RB1CC1: variants seen among roughly 807,000 people sequenced by gnomAD.
RB1CC1 encodes RB1 inducible coiled-coil 1.
Under a neutral mutation model 177.5 loss-of-function variants are expected in RB1CC1, and 46 were observed. That is an observed-to-expected ratio of 0.26 (90% CI 0.20 to 0.33). The LOEUF (loss-of-function observed/expected upper bound fraction) is 0.33. RB1CC1 is among the 10% of genes least tolerant of loss of function. The pLI is 1.00. For missense variants in RB1CC1, 1,703 were observed against 1,816.3 expected (o/e 0.94, Z 1.13); for synonymous variants, 666 against 613.6 (o/e 1.09, Z -1.26).
intron 20 of RB1CC1, 64 bp from the exon 21 acceptor site, chr8:52,630,592 A>G: frequency 1.3e-6 from 2 of 1,492,672 alleles, no homozygotes; most frequent in Non-Finnish European, 1.8e-6. Context: ...TCTTACTGCA[A>G]AAATTTCACC....
chr8:52,677,591 C>T (rs1015898642), intron 5 of RB1CC1, among the ~76,000 whole-genome samples: 3 of 151,970 alleles, frequency 2.0e-5, no homozygotes, highest in Non-Finnish European at 2.9e-5. Context: ...TAAGGTGGAA[C>T]GGGAAGGCAC....
intron 1 of RB1CC1, among the ~76,000 whole-genome samples, chr8:52,711,367 C>T (rs867206082): frequency 6.6e-6 from 1 of 152,160 alleles, no homozygotes; most frequent in Non-Finnish European, 1.5e-5. Flanking sequence ...TAATCAGAGA[C>T]AAGTAATCTT....
At chr8:52,690,229 T>C (rs1854700855) in intron 1 of RB1CC1, among the ~76,000 whole-genome samples, 3 of 152,250 alleles carry the variant, frequency 2.0e-5, no homozygotes, top group Admixed American at 2.0e-4. Context: ...TACAGCTTTA[T>C]CTTACAGGAG....
At chr8:52,651,723 G>C (rs983495348) in intron 15 of RB1CC1, among the ~76,000 whole-genome samples, 1 of 152,174 alleles carries the variant, frequency 6.6e-6, no homozygotes, top group African/African-American at 2.4e-5. Flanking sequence ...GGAGGAAAAA[G>C]GGGAGGCTGT....
At chr8:52,673,785 T>C (rs960512893) in intron 7 of RB1CC1, 60 bp downstream of exon 7, 9 of 1,410,912 alleles carry the variant, frequency 6.4e-6, no homozygotes, top group Middle Eastern at 2.3e-4. Context: ...ATAAAATATT[T>C]AGGATAAATA....
chr8:52,660,777 T>C (rs1437396525), intron 11 of RB1CC1, 120 bp from the exon 12 acceptor site: 50 of 1,113,212 alleles, frequency 4.5e-5, no homozygotes, highest in South Asian at 6.2e-5. Context: ...AATTTAACAA[T>C]GGATTCAATT....
chr8:52,703,549 G>A (rs1856285804), intron 1 of RB1CC1, among the ~76,000 whole-genome samples: 2 of 152,142 alleles, frequency 1.3e-5, no homozygotes, highest in African/African-American at 4.8e-5. Context: ...TCATTCCACA[G>A]CTTCCATTAT....
chr8:52,682,827 T>A lies in RB1CC1; in HGVS notation c.369+722A>T, dbSNP rs139352163. ...GTTTATTAAATATGTTTCACACAGA[T>A]GAGGTTATTTCCTTTTAATGTTGTA... On this transcript the variant is annotated intron_variant, in intron 5 of 23. Coordinates refer to ENST00000025008, the MANE Select transcript of RB1CC1 (RefSeq NM_014781.5). Among the ~76,000 whole-genome samples, 31 of 152,282 alleles carry A rather than the reference T, an allele frequency of 2.0e-4. No individual in the cohort carries two copies. The East Asian group carries it at 5.4e-3, about 27-fold the overall frequency.
intron 22 of RB1CC1, among the ~76,000 whole-genome samples, chr8:52,626,915 G>A: frequency 6.6e-6 from 1 of 152,100 alleles, no homozygotes; most frequent in East Asian, 1.9e-4. Context: ...CATAGTGGTG[G>A]TGCAAATCTA....
At chr8:52,629,574 A>T (rs190258558) in intron 21 of RB1CC1, among the ~76,000 whole-genome samples, 1 of 152,180 alleles carries the variant, frequency 6.6e-6, no homozygotes, top group Admixed American at 6.6e-5. Context: ...TTGCCTCATC[A>T]TGTCCTCTTC....
At chr8:52,710,599 A>G (rs1224756617) in intron 1 of RB1CC1, among the ~76,000 whole-genome samples, 1 of 152,202 alleles carries the variant, frequency 6.6e-6, no homozygotes, top group Non-Finnish European at 1.5e-5. Flanking sequence ...AATGCATTAC[A>G]CATTTTGGTG....
At chr8:52,631,353 C>T (rs141671438) in intron 20 of RB1CC1, among the ~76,000 whole-genome samples, 1 of 152,270 alleles carries the variant, frequency 6.6e-6, no homozygotes, top group Non-Finnish European at 1.5e-5. Context: ...CCTATGGTCC[C>T]AGCTACTCGG....
At chr8:52,676,093 T>G (rs1317451918) in intron 6 of RB1CC1, among the ~76,000 whole-genome samples, 1 of 152,144 alleles carries the variant, frequency 6.6e-6, no homozygotes, top group East Asian at 1.9e-4. Context: ...GCAAAGATTC[T>G]TGGTTTTATA....
rs1423922907 is a variant in RB1CC1 at position 52,658,900 on chromosome 8, C to G, written c.1766G>C (p.Cys589Ser). Residue 589 changes from cysteine to serine, a missense_variant, in exon 13 of 24, where the codon TGT becomes TCT. Physicochemically the swap from Cys to Ser is moderately radical, Grantham distance 112. Transcript: ENST00000025008. ...GAGGAATGGCTGAACTTCCGAAGGA[C>G]AAAATGATTGCAGAAACTGTAAATC... ...LKDLQFLQSF[C>S]PSEVQPFLRV... 2 of 1,584,532 alleles carry G rather than the reference C, an allele frequency of 1.3e-6. No homozygotes were observed. Among genetic ancestry groups the G allele is most frequent in the African/African-American group, 2.7e-5 (2 of 73,496 alleles).
At chr8:52,649,243 T>C (rs1012307121) in intron 15 of RB1CC1, among the ~76,000 whole-genome samples, 3 of 152,182 alleles carry the variant, frequency 2.0e-5, no homozygotes, top group Admixed American at 1.3e-4. Flanking sequence ...TGTCTTTGCA[T>C]ACCTGAATAC....
chr8:52,676,414 G>C lies in RB1CC1; in HGVS notation c.527C>G (p.Ser176Ter). 6.2e-7 allele frequency: 1 copy of C among 1,612,610 alleles called. No individual in the cohort carries two copies. Among genetic ancestry groups the C allele is most frequent in the Non-Finnish European group, 8.5e-7 (1 of 1,179,222 alleles). The change falls in exon 6 of 24, where the codon TCA becomes TGA. Residue 176 changes from serine to a stop codon, truncating the protein, a stop_gained. Coordinates refer to ENST00000025008, the MANE Select transcript of RB1CC1 (RefSeq NM_014781.5). LOFTEE classifies it high-confidence loss of function. ...GTCTTCTATGGACTGCAGATAATTT[G>C]AATAAATACTTTCAAACTTGAAAAG... ...KLLFKFESIY[S>*]NYLQSIEDIK...
At chr8:52,701,862 A>T (rs912222228) in intron 1 of RB1CC1, among the ~76,000 whole-genome samples, 1 of 151,006 alleles carries the variant, frequency 6.6e-6, no homozygotes, top group African/African-American at 2.4e-5. Context: ...GCTGGAGTGC[A>T]GTGGCACAAT....
intron 1 of RB1CC1, among the ~76,000 whole-genome samples, chr8:52,691,816 A>AC (rs1854887884): frequency 2.0e-5 from 3 of 152,236 alleles, no homozygotes. Flanking sequence ...GTCTACCAGT[A>AC]CCGGTAACCT....
chr8:52,679,921 C>T (rs1853542911), intron 5 of RB1CC1, among the ~76,000 whole-genome samples: 1 of 152,072 alleles, frequency 6.6e-6, no homozygotes, highest in Non-Finnish European at 1.5e-5. Context: ...TAAATTTTGT[C>T]CAAGGAGAAG....
Sources: allele counts gnomAD v4.1 joint callset (sites outside exome capture counted in the v4.1 genomes callset), GRCh38; gene constraint gnomAD v4.1.1; transcripts MANE v1.5; gene names NCBI Gene and HGNC (gene_info 2026-07-23, HGNC 2026-07-21).